DMD: variants seen among roughly 807,000 people sequenced by gnomAD.
The protein encoded by DMD is mutant dystrophin.
A neutral mutation model predicts 330.1 loss-of-function variants in DMD; 63 were observed. The ratio of observed to expected loss-of-function variants is 0.19; its 90% CI spans 0.16 to 0.24. DMD has a LOEUF of 0.24. Ranked by LOEUF, DMD falls within the 10% of genes least tolerant of loss-of-function variation. The pLI, the probability that DMD is intolerant of heterozygous loss-of-function variation, is 1.00. For missense variants in DMD, 3,344 were observed against 2,684.1 expected, an observed-to-expected ratio of 1.25 and a Z score of -5.43; for synonymous variants, 1,223 against 959.8, an observed-to-expected ratio of 1.27 and a Z score of -5.07.
At chrX:32,526,183 A>C (rs2046917287) in intron 17 of DMD, among the ~76,000 whole-genome samples, 1 of 112,038 alleles carries the variant, frequency 8.9e-6, no homozygotes, top group Non-Finnish European at 1.9e-5. Context: ...ACCTAGCTTA[A>C]AATCTCCTTT....
chrX:31,261,134 T>G (rs1009204479), intron 62 of DMD, 118 bp from the exon 63 acceptor site: 6 of 646,677 alleles, frequency 9.3e-6, no homozygotes, highest in Non-Finnish European at 1.5e-5. Context: ...ATTCGGAATC[T>G]TTATTTCAAA....
intron 55 of DMD, among the ~76,000 whole-genome samples, chrX:31,516,681 T>C (rs1275432933): frequency 9.0e-6 from 1 of 111,685 alleles, no homozygotes; most frequent in Non-Finnish European, 1.9e-5. Flanking sequence ...AAACGGCTGT[T>C]ATTAAAGTCC....
At chrX:33,004,321 C>T (rs1487916695) in intron 2 of DMD, among the ~76,000 whole-genome samples, 1 of 111,351 alleles carries the variant, frequency 9.0e-6, no homozygotes, top group Non-Finnish European at 1.9e-5. Context: ...TGCAGGCTCA[C>T]CCACTATGTT....
At chrX:32,692,180 T>A (rs894558602) in intron 9 of DMD, among the ~76,000 whole-genome samples, 4 of 112,130 alleles carry the variant, frequency 3.6e-5, no homozygotes, top group Admixed American at 1.9e-4. Context: ...AAAGTAAATT[T>A]CAAAAGAAGT....
chrX:31,518,105 T>C (rs1472309742), intron 55 of DMD, among the ~76,000 whole-genome samples: 1 of 111,215 alleles, frequency 9.0e-6, no homozygotes, highest in Non-Finnish European at 1.9e-5. Context: ...GGGTGCCAGT[T>C]CTAAAGGACA....
At chrX:32,965,082 C>G (rs1298947886) in intron 2 of DMD, among the ~76,000 whole-genome samples, 3 of 84,712 alleles carry the variant, frequency 3.5e-5, no homozygotes, top group African/African-American at 1.9e-4. Context: ...AGAGTGAGAA[C>G]GAGGATGAGG....
intron 1 of DMD, among the ~76,000 whole-genome samples, chrX:33,184,786 C>T (rs1240553267): frequency 5.2e-5 from 5 of 96,742 alleles, no homozygotes; most frequent in Non-Finnish European, 8.0e-5. Flanking sequence ...TGCCATGGCA[C>T]GATCTTGGCT....
intron 44 of DMD, among the ~76,000 whole-genome samples, chrX:32,138,102 G>A (rs1046011094): frequency 1.8e-5 from 2 of 109,501 alleles, no homozygotes; most frequent in Admixed American, 9.8e-5. Context: ...GAGCCAACTC[G>A]TCCCCAGTTG....
chrX:31,438,034 T>C (rs755564096), intron 60 of DMD, among the ~76,000 whole-genome samples: 38 of 110,237 alleles, frequency 3.4e-4, no homozygotes, highest in African/African-American at 1.2e-3. Context: ...ATACAGTAAA[T>C]ATAAATCCAT....
chrX:32,076,670 T>C (rs1229691239), intron 44 of DMD, among the ~76,000 whole-genome samples: 1 of 111,786 alleles, frequency 8.9e-6, no homozygotes, highest in Non-Finnish European at 1.9e-5. Context: ...TGAGCCACCC[T>C]GCCCGGCCCA....
At chrX:32,303,493 C>T (rs2097530451) in intron 42 of DMD, among the ~76,000 whole-genome samples, 1 of 110,990 alleles carries the variant, frequency 9.0e-6, no homozygotes, top group African/African-American at 3.3e-5. Flanking sequence ...TACTTAAATG[C>T]ATGTATAGTG....
chrX:32,044,525 C>T (rs1016041742), intron 44 of DMD, among the ~76,000 whole-genome samples: 5 of 110,546 alleles, frequency 4.5e-5, no homozygotes, highest in African/African-American at 1.6e-4. Flanking sequence ...AGGTTCACGC[C>T]ATTCTCCTGC....
intron 17 of DMD, among the ~76,000 whole-genome samples, chrX:32,541,611 G>T (rs2048487850): frequency 9.0e-6 from 1 of 111,419 alleles, no homozygotes; most frequent in Admixed American, 9.6e-5. Context: ...AGTACACATG[G>T]ACACAAAGAA....
At chrX:33,338,638 G>A (rs1486561022) in intron 1 of DMD, among the ~76,000 whole-genome samples, 1 of 110,956 alleles carries the variant, frequency 9.0e-6, no homozygotes, top group Non-Finnish European at 1.9e-5. Context: ...CATCAACTTG[G>A]CAAAACGTGA....
chrX:32,588,466 T>C (rs2054532098), intron 13 of DMD, among the ~76,000 whole-genome samples: 1 of 112,185 alleles, frequency 8.9e-6, no homozygotes, highest in African/African-American at 3.2e-5. Context: ...CAGAAACAGC[T>C]TGTATGAATC....
intron 7 of DMD, among the ~76,000 whole-genome samples, chrX:32,754,542 C>T (rs966977485): frequency 1.4e-5 from 1 of 70,136 alleles, no homozygotes; most frequent in Non-Finnish European, 2.4e-5. Flanking sequence ...TAGAAATAAA[C>T]CATTAAAAAA....
chrX:33,096,310 A>T, intron 1 of DMD, among the ~76,000 whole-genome samples: 1 of 111,241 alleles, frequency 9.0e-6, no homozygotes, highest in Non-Finnish European at 1.9e-5. Flanking sequence ...AAATAAAGAG[A>T]TGATTTAAAA....
At chrX:31,397,141 C>T (rs115494865) in intron 60 of DMD, among the ~76,000 whole-genome samples, 37 of 112,106 alleles carry the variant, frequency 3.3e-4, no homozygotes, top group African/African-American at 1.2e-3. Flanking sequence ...ACTGTTTTAT[C>T]ATAGCTAAGA....
chrX:31,472,431 G>A (rs2067367904), intron 59 of DMD, among the ~76,000 whole-genome samples: 1 of 112,481 alleles, frequency 8.9e-6, no homozygotes, highest in African/African-American at 3.2e-5. Context: ...CCAAGGTTAA[G>A]AAGAGAAAAG....
Sources: allele counts gnomAD v4.1 joint callset (sites outside exome capture counted in the v4.1 genomes callset), GRCh38; gene constraint gnomAD v4.1.1; transcripts MANE v1.5; gene names NCBI Gene and HGNC (gene_info 2026-07-23, HGNC 2026-07-21).